Variants in HDLBP observed in about 807,000 individuals in gnomAD.
HDLBP encodes the protein vigilin.
Under a neutral mutation model 137.3 loss-of-function variants are expected in HDLBP, and 30 were observed. That is an observed-to-expected ratio of 0.22 (90% CI 0.16 to 0.30). The LOEUF (loss-of-function observed/expected upper bound fraction) is 0.30. Among genes scored for constraint, HDLBP ranks in the 10% least tolerant of loss-of-function variants. HDLBP has a pLI of 1.00. For missense variants in HDLBP, 1,119 were observed against 1,667.3 expected (o/e 0.67, Z 5.73); for synonymous variants, 606 against 596.0 (o/e 1.02, Z -0.24).
chr2:241,257,158 A>T (rs1056818169), intron 5 of HDLBP, among the ~76,000 whole-genome samples: 3 of 152,266 alleles, frequency 2.0e-5, no homozygotes, highest in African/African-American at 7.2e-5. Context: ...TATAGCAAAG[A>T]GAAAAGACTG....
At chr2:241,315,184 C>G (rs923388861) in intron 1 of HDLBP, 1 of 152,236 alleles carries the variant, frequency 6.6e-6, no homozygotes, top group Non-Finnish European at 1.5e-5. Flanking sequence ...CCAGCCCGGG[C>G]ACAGGAAGGC....
chr2:241,230,365 C>T lies in HDLBP; in HGVS notation c.3475-96G>A. ...TCTAGTGAAGCATTTTCTGAGTTAG[C>T]AAACGTTTTAAAATCTGGTTTCAGA... On this transcript the variant is annotated intron_variant, in intron 25 of 27. Transcript: ENST00000310931. This position sits in a 1 kb window ranked among gnomAD's most constrained non-coding sequence, Gnocchi z 5.0. The T allele has an allele frequency of 1.2e-6, 1 of 817,110 alleles. No homozygotes were observed. Among genetic ancestry groups the T allele is most frequent in the Non-Finnish European group, 2.0e-6 (1 of 503,596 alleles). 50.6% of individuals were successfully genotyped at this position (817,110 alleles called of 1,614,324 possible).
chr2:241,271,011 G>A (rs1037490754), intron 1 of HDLBP: 34 of 985,120 alleles, frequency 3.5e-5, no homozygotes, highest in South Asian at 3.3e-4. Flanking sequence ...CTCAGGGCCC[G>A]GGTCCACCCC....
At chr2:241,265,576 A>C (rs999813161) in intron 3 of HDLBP, among the ~76,000 whole-genome samples, 2 of 152,240 alleles carry the variant, frequency 1.3e-5, no homozygotes, top group Non-Finnish European at 2.9e-5. Context: ...CATTAGCCAC[A>C]ATCTCCATGA....
intron 1 of HDLBP, chr2:241,273,519 G>T: frequency 1.1e-6 from 1 of 873,940 alleles, no homozygotes; most frequent in Non-Finnish European, 1.4e-6. Context: ...CCACCCTCCG[G>T]GAAGGACTTG....
rs1165427851 is a variant in HDLBP, at chr2:241,233,696, G to C, written c.3288+124C>G. 9.7e-7 allele frequency: 1 copy of C among 1,035,284 alleles called. No homozygotes were observed. The highest frequency in any genetic ancestry group is 1.6e-5 in the African/African-American group (1 of 62,250). 64.1% of individuals were successfully genotyped at this position (1,035,284 alleles called of 1,614,324 possible). On this transcript the variant is annotated intron_variant, in intron 24 of 27. Transcript: ENST00000310931. This position sits in a 1 kb window ranked among gnomAD's most constrained non-coding sequence, Gnocchi z 4.3. ...ACCTCAAGCCAGAATTAGGTCCTGAGAGACTTGCCACTCTCAACTTGGCCC... is the reference window on the plus strand; with the variant it reads ...ACCTCAAGCCAGAATTAGGTCCTGACAGACTTGCCACTCTCAACTTGGCCC...
chr2:241,236,432 G>T, intron 21 of HDLBP, 183 bp downstream of exon 21: 1 of 632,886 alleles, frequency 1.6e-6, no homozygotes, highest in Non-Finnish European at 2.8e-6. Context: ...AAGGGAAGTG[G>T]CCTCCCCAAA....
intron 9 of HDLBP, among the ~76,000 whole-genome samples, chr2:241,253,703 C>T (rs192912883): frequency 3.3e-5 from 5 of 152,178 alleles, no homozygotes; most frequent in South Asian, 2.1e-4. Context: ...ATACTGTGGC[C>T]GAATAATCCT....
Position 241,256,484 on chromosome 2 carries a change from C to A in HDLBP, c.658-85G>T, listed in dbSNP as rs114256926. On this transcript the variant is annotated intron_variant, in intron 6 of 27. Transcript: ENST00000310931. ...AGGGCTTTTTAGAGTTGGAGTCAAG[C>A]CCTCCACCCCCACCACATTATGCCT... 7.9e-3 allele frequency: 11,748 copies of A among 1,482,024 alleles called. 84 individuals carry two copies. The highest frequency in any genetic ancestry group is 0.032 in the African/African-American group (2,308 of 72,098). 91.8% of individuals were successfully genotyped at this position (1,482,024 alleles called of 1,614,324 possible). A position where few individuals can be genotyped will look rare whatever the true frequency, so the allele number is the denominator to read the frequency against.
At chr2:241,257,867 A>C (rs914896822) in intron 5 of HDLBP, among the ~76,000 whole-genome samples, 49 of 152,280 alleles carry the variant, frequency 3.2e-4, no homozygotes, top group Middle Eastern at 3.4e-3. Context: ...AGTATACGGA[A>C]AGACCTGCTG....
At chr2:241,252,119 T>C (rs755584910) in intron 11 of HDLBP, among the ~76,000 whole-genome samples, 15 of 152,014 alleles carry the variant, frequency 9.9e-5, no homozygotes, top group Non-Finnish European at 2.1e-4. Context: ...ATGACATACT[T>C]CCAACAGTGT....
At chr2:241,300,745 C>G (rs1411272939) in intron 1 of HDLBP, among the ~76,000 whole-genome samples, 1 of 152,300 alleles carries the variant, frequency 6.6e-6, no homozygotes, top group South Asian at 2.1e-4. Flanking sequence ...GACAGTAGGG[C>G]TGAACCCGGG....
intron 23 of HDLBP, 60 bp downstream of exon 23, chr2:241,235,061 A>T: frequency 3.2e-6 from 5 of 1,583,066 alleles, no homozygotes; most frequent in Non-Finnish European, 4.3e-6. Context: ...CTAGATTCTG[A>T]CATGTGCCCA....
chr2:241,280,667 A>T lies in HDLBP; in HGVS notation c.-102-12126T>A, dbSNP rs551357036. On this transcript the variant is annotated intron_variant, in intron 1 of 27. Coordinates refer to ENST00000310931, the MANE Select transcript of HDLBP (RefSeq NM_005336.6). ...AATGAGAACAAATTGTATAAAGAAC[A>T]CCAAACTTGTTGCCAGGATACCTGC... 2.0e-5 allele frequency among the ~76,000 whole-genome samples: 3 copies of T among 152,338 alleles called. No individual in the cohort carries two copies. In the South Asian group the frequency reaches 6.2e-4, roughly 32 times the overall value.
At chr2:241,280,638 C>T (rs1575013650) in intron 1 of HDLBP, among the ~76,000 whole-genome samples, 1 of 152,116 alleles carries the variant, frequency 6.6e-6, no homozygotes, top group Non-Finnish European at 1.5e-5. Flanking sequence ...TTATAGGCAC[C>T]TATAATGAGA....
At chr2:241,235,637 C>T (rs1156838128) in intron 21 of HDLBP, 43 bp from the exon 22 acceptor site, 16 of 1,404,588 alleles carry the variant, frequency 1.1e-5, no homozygotes, top group East Asian at 2.3e-5. Context: ...GAGCTGAGAG[C>T]AGAGTGACGT....
intron 2 of HDLBP, chr2:241,267,712 C>A (rs896561307): frequency 1.3e-6 from 2 of 1,534,550 alleles, no homozygotes; most frequent in Non-Finnish European, 1.7e-6. Flanking sequence ...GTGGTAGCTG[C>A]GTGACAGGAA....
At chr2:241,231,855 A>G (rs539021714) in intron 24 of HDLBP, among the ~76,000 whole-genome samples, 19 of 152,278 alleles carry the variant, frequency 1.2e-4, no homozygotes, top group Non-Finnish European at 2.2e-4. Context: ...CATGTCCACA[A>G]CACAAAAACC....
chr2:241,293,700 G>A (rs758962896), intron 1 of HDLBP, among the ~76,000 whole-genome samples: 15 of 151,750 alleles, frequency 9.9e-5, no homozygotes, highest in Non-Finnish European at 2.1e-4. Context: ...CAGGCAGATC[G>A]CTTGAGTCCA....
Sources: gnomAD v4.1 joint callset for allele counts (sites outside exome capture counted in the v4.1 genomes callset) on GRCh38, gnomAD v4.1.1 for gene constraint, Gnocchi (gnomAD v3.1) non-coding constraint, MANE v1.5 for transcripts, NCBI Gene and HGNC (gene_info 2026-07-23, HGNC 2026-07-21) for gene names.